PCYT1A: variants seen among roughly 807,000 people sequenced by gnomAD.
PCYT1A encodes the protein phosphate cytidylyltransferase 1A, choline, also known as choline-phosphate cytidylyltransferase A.
In PCYT1A, 25 loss-of-function variants were observed where a neutral mutation model predicts 43.7. The observed-to-expected ratio is 0.57, with a 90% confidence interval of 0.42 to 0.80. PCYT1A has a LOEUF of 0.80. PCYT1A is among the 30% of genes least tolerant of loss of function. PCYT1A has a pLI of 0.00. For missense variants in PCYT1A, 421 were observed against 474.2 expected (o/e 0.89, Z 1.04); for synonymous variants, 172 against 170.7 (o/e 1.01, Z -0.06).
intron 3 of PCYT1A, among the ~76,000 whole-genome samples, chr3:196,253,306 C>T (rs766132433): frequency 1.4e-4 from 19 of 136,752 alleles, no homozygotes; most frequent in Non-Finnish European, 2.3e-4. Context: ...CACTGCACTC[C>T]AGCCTGCGAG....
rs1442385114 is a variant in PCYT1A at position 196,247,512 on chromosome 3, C to G, written c.341G>C (p.Ser114Thr). The G allele has an allele frequency of 5.6e-6, 9 of 1,614,138 alleles. No individual in the cohort carries two copies. Among genetic ancestry groups the G allele is most frequent in the Non-Finnish European group, 7.6e-6 (9 of 1,179,970 alleles). ...TTTGAAGTTGTGTGTGAGCTCATCA[C>G]TGCAAACTGGTTCACCACATCATAA... ...PNTYLIVGVC[S>T]DELTHNFKGF... The change falls in exon 5 of 9, where the codon AGT (serine) becomes ACT (threonine). Residue 114 changes from serine to threonine, a missense_variant. Around this residue, in one of 3 missense-constraint regions of PCYT1A, gnomAD observed 174 missense variants for 270.7 expected, o/e 0.64. Coordinates refer to ENST00000431016, the MANE Select transcript of PCYT1A (RefSeq NM_001312673.2). The surrounding 1 kb of genome is among the most constrained non-coding windows in gnomAD (Gnocchi z 4.8).
At chr3:196,257,976 T>A in intron 2 of PCYT1A, 89 bp from the exon 3 acceptor site, 4 of 677,374 alleles carry the variant, frequency 5.9e-6, no homozygotes, top group South Asian at 1.7e-5. Context: ...AGAAAGGAGA[T>A]TGATCTCTCT....
At chr3:196,259,178 C>G (rs1227785278) in intron 2 of PCYT1A, among the ~76,000 whole-genome samples, 1 of 152,130 alleles carries the variant, frequency 6.6e-6, no homozygotes, top group Non-Finnish European at 1.5e-5. Flanking sequence ...CCACCACACC[C>G]AGCTAATTTT....
At chr3:196,270,069 C>T (rs532468913) in intron 2 of PCYT1A, among the ~76,000 whole-genome samples, 3 of 152,194 alleles carry the variant, frequency 2.0e-5, no homozygotes, top group Admixed American at 6.5e-5. Context: ...GACAGGGTTT[C>T]ACCAGGCTGG....
At position 196,277,357 on chromosome 3, in the gene PCYT1A, A is replaced by C. The variant is rs747611948; in HGVS notation, c.-10-6816T>G. 6.6e-6 allele frequency among the ~76,000 whole-genome samples: 1 copy of C among 152,132 alleles called. No individual in the cohort carries two copies. Among genetic ancestry groups the C allele is most frequent in the Non-Finnish European group, 1.5e-5 (1 of 68,030 alleles). On this transcript the variant is annotated intron_variant, in intron 1 of 8. Coordinates refer to ENST00000431016, the MANE Select transcript of PCYT1A (RefSeq NM_001312673.2). The surrounding 1 kb of genome is among the most constrained non-coding windows in gnomAD (Gnocchi z 4.1). The stretch of plus-strand genomic sequence containing the variant: ...TTTTGGGTTTTACATTATATTCTAC[A>C]CTGTTCTTTAAACTGAAGTCTTTAG...
chr3:196,286,985 C>T (rs556162313), intron 1 of PCYT1A, among the ~76,000 whole-genome samples: 1 of 152,330 alleles, frequency 6.6e-6, no homozygotes, highest in Admixed American at 6.5e-5. Flanking sequence ...TAGGAAGAAA[C>T]CCATAGTGTG....
chr3:196,241,832 T>C, intron 7 of PCYT1A, 116 bp downstream of exon 7: 1 of 1,311,608 alleles, frequency 7.6e-7, no homozygotes, highest in Non-Finnish European at 1.1e-6. Flanking sequence ...ATTCATTCAC[T>C]GAACTTTTGG....
chr3:196,244,672 A>G (rs1052481206), intron 5 of PCYT1A, among the ~76,000 whole-genome samples: 12 of 152,250 alleles, frequency 7.9e-5, no homozygotes, highest in African/African-American at 2.9e-4. Context: ...TGGGGAAAAG[A>G]TAGAAAAATC....
At chr3:196,240,850 A>G (rs1724325534) in intron 7 of PCYT1A, 1 of 152,198 alleles carries the variant, frequency 6.6e-6, no homozygotes, top group Non-Finnish European at 1.5e-5. Context: ...AATCATATTT[A>G]GATGTAATCA....
rs1180702472 is a variant in PCYT1A, at chr3:196,242,981, G to A, written c.487-341C>T. On this transcript the variant is annotated intron_variant, in intron 5 of 8. Coordinates refer to ENST00000431016, the MANE Select transcript of PCYT1A (RefSeq NM_001312673.2). The surrounding 1 kb of genome is among the most constrained non-coding windows in gnomAD (Gnocchi z 4.2). ...TTAGTGGGTGGAGCCTAGGAAAGAAGGAAATCTCCCTGTCCTGGGTCTGGA... is the reference window on the plus strand; with the variant it reads ...TTAGTGGGTGGAGCCTAGGAAAGAAAGAAATCTCCCTGTCCTGGGTCTGGA... The A allele has an allele frequency of 5.0e-5, 14 of 277,678 alleles. No individual in the cohort carries two copies. Among genetic ancestry groups the A allele is most frequent in the Non-Finnish European group, 7.7e-5 (11 of 143,322 alleles). The allele number at this position is 277,678 out of a possible 1,614,324, so 17.2% of individuals were successfully genotyped here. A position where few individuals can be genotyped will look rare whatever the true frequency, so the allele number is the denominator to read the frequency against.
intron 3 of PCYT1A, among the ~76,000 whole-genome samples, chr3:196,257,125 C>A (rs190860782): frequency 2.0e-5 from 3 of 152,212 alleles, no homozygotes; most frequent in Admixed American, 6.5e-5. Context: ...ACTTTGTATT[C>A]ATAACAAATG....
intron 3 of PCYT1A, among the ~76,000 whole-genome samples, chr3:196,249,541 A>C (rs1577359360): frequency 6.6e-6 from 1 of 152,180 alleles, no homozygotes; most frequent in Admixed American, 6.5e-5. Flanking sequence ...GTCAACTTAG[A>C]AGCCAGGAAA....
rs1275478776 is a variant in PCYT1A, at chr3:196,241,035, T to C, written c.708+913A>G. Among the ~76,000 whole-genome samples, 25 of 149,386 alleles carry C rather than the reference T, an allele frequency of 1.7e-4. No homozygotes were observed. In the Admixed American group the frequency reaches 1.7e-3, roughly 10 times the overall value. On this transcript the variant is annotated intron_variant, in intron 7 of 8. Coordinates refer to ENST00000431016, the MANE Select transcript of PCYT1A (RefSeq NM_001312673.2). ...TTGGCTGGATACGGTGGCTCATGCC[T>C]GTAATCCCAGCACTTTGCGAGGCCA...
At chr3:196,272,188 CTT>C (rs199851752) in intron 1 of PCYT1A, among the ~76,000 whole-genome samples, 6 of 110,080 alleles carry the variant, frequency 5.5e-5, no homozygotes, top group Admixed American at 2.0e-4. Context: ...TCCTTCTTTC[CTT>C]TTTTTTTTTT....
chr3:196,283,768 G>T (rs868169466), intron 1 of PCYT1A, among the ~76,000 whole-genome samples: 7 of 152,206 alleles, frequency 4.6e-5, no homozygotes, highest in Non-Finnish European at 7.3e-5. Context: ...GGGAAAAGGA[G>T]ATGCCAGAAG....
At chr3:196,275,399 G>A (rs1470566082) in intron 1 of PCYT1A, among the ~76,000 whole-genome samples, 3 of 152,124 alleles carry the variant, frequency 2.0e-5, no homozygotes, top group Non-Finnish European at 2.9e-5. Context: ...AGAAGAGGGT[G>A]GAGAGCAAAA....
rs1051174563 is a variant in PCYT1A at position 196,238,448 on chromosome 3, G to T, written c.*240C>A. On this transcript the variant is annotated 3_prime_UTR_variant, in exon 9 of 9. Transcript: ENST00000431016. ...TAAACAGTGAAACAAAGCCCTTGGG[G>T]GGGGGTAAATGGATGCAGAGCAGGC... 35 of 361,398 alleles carry T rather than the reference G, an allele frequency of 9.7e-5. No homozygotes were observed. Among genetic ancestry groups the T allele is most frequent in the African/African-American group, 5.4e-4 (26 of 47,944 alleles). The allele number at this position is 361,398 out of a possible 1,614,324, so 22.4% of individuals were successfully genotyped here. A position where few individuals can be genotyped will look rare whatever the true frequency, so the allele number is the denominator to read the frequency against.
rs927904357 is a variant in PCYT1A at position 196,252,148 on chromosome 3, G to T, written c.218-3825C>A. 6.6e-6 allele frequency among the ~76,000 whole-genome samples: 1 copy of T among 151,466 alleles called. No homozygotes were observed. The highest frequency in any genetic ancestry group is 2.4e-5 in the African/African-American group (1 of 41,300). On this transcript the variant is annotated intron_variant, in intron 3 of 8. Transcript: ENST00000431016. This position sits in a 1 kb window ranked among gnomAD's most constrained non-coding sequence, Gnocchi z 4.0. ...CGCCCCACTGGCTACAGTGCACACCGCCACGCCCCACTGGCTACAGCGCAC... is the reference window on the plus strand; with the variant it reads ...CGCCCCACTGGCTACAGTGCACACCTCCACGCCCCACTGGCTACAGCGCAC...
Position 196,241,844 on chromosome 3 carries a change from A to G in PCYT1A, c.708+104T>C, listed in dbSNP as rs778833240. 1.8e-5 allele frequency: 24 copies of G among 1,366,090 alleles called. No homozygotes were observed. In the South Asian group the frequency reaches 2.9e-4, roughly 16 times the overall value. The allele number at this position is 1,366,090 out of a possible 1,614,324, so 84.6% of individuals were successfully genotyped here. A position where few individuals can be genotyped will look rare whatever the true frequency, so the allele number is the denominator to read the frequency against. ...GTAATTCATTCACTGAACTTTTGGG[A>G]GTGATCATCAAAGCCAACTGCAAAG... On this transcript the variant is annotated intron_variant, in intron 7 of 8. Coordinates refer to ENST00000431016, the MANE Select transcript of PCYT1A (RefSeq NM_001312673.2).
Sources: allele counts gnomAD v4.1 joint callset (sites outside exome capture counted in the v4.1 genomes callset), GRCh38; gene constraint gnomAD v4.1.1; regional missense constraint gnomAD v4.1.1; non-coding constraint Gnocchi (gnomAD v3.1); transcripts MANE v1.5; gene names NCBI Gene and HGNC (gene_info 2026-07-23, HGNC 2026-07-21).